RBFOX1: variants seen among roughly 807,000 people sequenced by gnomAD.
RBFOX1 encodes RNA binding protein fox-1 homolog 1.
A neutral mutation model predicts 57.7 loss-of-function variants in RBFOX1; 8 were observed. The observed-to-expected ratio is 0.14, with a 90% CI of 0.08 to 0.25. The LOEUF is 0.25. Among genes scored for constraint, RBFOX1 ranks in the 10% least tolerant of loss-of-function variants. The pLI is 1.00. For synonymous variants in RBFOX1, 326 were observed against 222.4 expected (o/e 1.47, Z -4.15); for missense variants, 611 against 548.5 (o/e 1.11, Z -1.14).
intron 1 of RBFOX1, among the ~76,000 whole-genome samples, chr16:6,211,959 C>T (rs2097301420): frequency 6.6e-6 from 1 of 152,046 alleles, no homozygotes; most frequent in African/African-American, 2.4e-5. Context: ...AAGTAATTCT[C>T]ATGTCTCAGC....
chr16:7,096,701 G>A (rs1047021020), intron 4 of RBFOX1, among the ~76,000 whole-genome samples: 6 of 152,184 alleles, frequency 3.9e-5, no homozygotes, highest in South Asian at 2.1e-4. Flanking sequence ...GGAGGCTGAC[G>A]CAGGTATATC....
chr16:5,490,473 C>T (rs958542758), intron 2 of RBFOX1, among the ~76,000 whole-genome samples: 4 of 152,198 alleles, frequency 2.6e-5, no homozygotes, highest in East Asian at 3.9e-4. Flanking sequence ...CAGAGAGAGG[C>T]GTCCTGGGAA....
chr16:6,587,192 C>T lies in RBFOX1; in HGVS notation c.-63-67411C>T, dbSNP rs183849130. Among the ~76,000 whole-genome samples, 19 of 152,224 alleles carry T rather than the reference C, an allele frequency of 1.2e-4. 1 individual carries two copies. The highest frequency in any genetic ancestry group is 9.8e-4 in the Admixed American group (15 of 15,290). Reference sequence around the variant, plus strand: ...AATGTCTCCCCAGCTCCCCTCTCTCCGCACTGGTAACCACCATTCTGTTCT... The same window carrying T: ...AATGTCTCCCCAGCTCCCCTCTCTCTGCACTGGTAACCACCATTCTGTTCT... On this transcript the variant is annotated intron_variant, in intron 2 of 15. Transcript: ENST00000550418.
At chr16:6,900,198 G>T (rs1386852288) in intron 3 of RBFOX1, among the ~76,000 whole-genome samples, 1 of 152,176 alleles carries the variant, frequency 6.6e-6, no homozygotes, top group African/African-American at 2.4e-5. Flanking sequence ...TGGTGAATTG[G>T]AATGTATCTG....
chr16:5,555,044 G>C (rs2045616432), intron 2 of RBFOX1, among the ~76,000 whole-genome samples: 1 of 152,106 alleles, frequency 6.6e-6, no homozygotes, highest in Non-Finnish European at 1.5e-5. Flanking sequence ...TCCCAGAAGA[G>C]AGAAGTTTTC....
At chr16:7,306,888 C>A (rs1347448683) in intron 4 of RBFOX1, among the ~76,000 whole-genome samples, 2 of 152,036 alleles carry the variant, frequency 1.3e-5, no homozygotes, top group African/African-American at 4.8e-5. Context: ...ATATCTTGTA[C>A]CCAGACACCA....
At chr16:6,481,603 T>A (rs555750400) in intron 2 of RBFOX1, among the ~76,000 whole-genome samples, 108 of 152,328 alleles carry the variant, frequency 7.1e-4, no homozygotes, top group African/African-American at 2.5e-3. Flanking sequence ...TCTCTGTAAT[T>A]GTACAGGGTT....
chr16:7,215,763 T>C (rs1019023121), intron 4 of RBFOX1, among the ~76,000 whole-genome samples: 15 of 150,674 alleles, frequency 1.0e-4, no homozygotes, highest in African/African-American at 2.0e-4. Context: ...CTTGCTCTGT[T>C]GTCCAGGCGG....
At chr16:5,798,220 A>G (rs1179845784) in intron 3 of RBFOX1, among the ~76,000 whole-genome samples, 1 of 152,240 alleles carries the variant, frequency 6.6e-6, no homozygotes, top group Non-Finnish European at 1.5e-5. Context: ...CATAGCACAT[A>G]GATGTTTTTA....
intron 2 of RBFOX1, among the ~76,000 whole-genome samples, chr16:6,519,225 A>C (rs1441056109): frequency 6.6e-6 from 1 of 152,124 alleles, no homozygotes. Context: ...TGCCTACCAC[A>C]CTGGGTTGAG....
intron 3 of RBFOX1, among the ~76,000 whole-genome samples, chr16:6,812,767 G>A (rs1290191984): frequency 6.6e-6 from 1 of 152,154 alleles, no homozygotes; most frequent in Non-Finnish European, 1.5e-5. Context: ...CCTCATTTGT[G>A]CTCATAAGCG....
intron 12 of RBFOX1, among the ~76,000 whole-genome samples, chr16:7,662,188 G>C (rs1162984329): frequency 6.6e-6 from 1 of 152,098 alleles, no homozygotes; most frequent in Non-Finnish European, 1.5e-5. Flanking sequence ...AGACAGATGA[G>C]GTTCCACCAT....
At chr16:5,859,023 G>A (rs942099906) in intron 3 of RBFOX1, among the ~76,000 whole-genome samples, 2 of 152,162 alleles carry the variant, frequency 1.3e-5, no homozygotes, top group African/African-American at 4.8e-5. Flanking sequence ...AAGCCTGCAT[G>A]GTGAAACCCC....
chr16:5,284,658 C>T (rs1267744651), intron 1 of RBFOX1, among the ~76,000 whole-genome samples: 1 of 149,594 alleles, frequency 6.7e-6, no homozygotes, highest in Non-Finnish European at 1.5e-5. Flanking sequence ...CTTCCTGCCT[C>T]AGTCTTCTGA....
chr16:7,270,398 A>G (rs931239744), intron 4 of RBFOX1, among the ~76,000 whole-genome samples: 5 of 152,050 alleles, frequency 3.3e-5, no homozygotes, highest in Admixed American at 6.6e-5. Flanking sequence ...TAACGCAAGT[A>G]AAAAAAACAT....
At chr16:5,904,938 A>G (rs75269941) in intron 4 of RBFOX1, among the ~76,000 whole-genome samples, 6 of 136,242 alleles carry the variant, frequency 4.4e-5, no homozygotes, top group African/African-American at 1.4e-4. Flanking sequence ...GATCGCACCA[A>G]TGCACTCCAG....
chr16:6,624,651 T>G (rs2033789427), intron 2 of RBFOX1, among the ~76,000 whole-genome samples: 2 of 152,186 alleles, frequency 1.3e-5, no homozygotes, highest in Non-Finnish European at 2.9e-5. Flanking sequence ...TGGGGTTTTG[T>G]TGGGTACATT....
chr16:5,736,979 CT>C (rs1420276103), intron 3 of RBFOX1, among the ~76,000 whole-genome samples: 17 of 150,226 alleles, frequency 1.1e-4, no homozygotes, highest in African/African-American at 3.7e-4. Flanking sequence ...TTATTCCTAT[CT>C]TTCTCTGATT....
intron 3 of RBFOX1, among the ~76,000 whole-genome samples, chr16:6,914,546 C>G (rs1355270430): frequency 6.8e-6 from 1 of 147,858 alleles, no homozygotes. Context: ...GTTTTCAGCT[C>G]CAGAAGAAAA....
Sources: allele counts gnomAD v4.1 joint callset (sites outside exome capture counted in the v4.1 genomes callset), GRCh38; gene constraint gnomAD v4.1.1; transcripts MANE v1.5; gene names NCBI Gene and HGNC (gene_info 2026-07-23, HGNC 2026-07-21).